Variants in CCDC102B observed in about 807,000 individuals in gnomAD.
CCDC102B encodes the protein coiled-coil domain containing 102B, also known as coiled-coil domain-containing protein 102B.
In CCDC102B, 75 loss-of-function variants were observed where a neutral mutation model predicts 57.4. That is an observed-to-expected ratio of 1.31 (90% CI 1.08 to 1.58). The LOEUF is 1.58. CCDC102B is among the 40% of genes most tolerant of loss of function. The probability of loss-of-function intolerance (pLI) is 0.00; values close to 1 mark genes in which losing one functional copy is unlikely to be tolerated. For missense variants in CCDC102B, 636 were observed against 582.6 expected (o/e 1.09, Z -0.94); for synonymous variants, 206 against 201.9 (o/e 1.02, Z -0.17).
At chr18:68,856,185 G>C (rs12965973) in intron 4 of CCDC102B, among the ~76,000 whole-genome samples, 1 of 151,718 alleles carries the variant, frequency 6.6e-6, no homozygotes, top group Non-Finnish European at 1.5e-5. Context: ...AGTAATTATC[G>C]TACAGCTTTA....
At chr18:69,014,209 G>A (rs2051598715) in intron 7 of CCDC102B, among the ~76,000 whole-genome samples, 1 of 152,132 alleles carries the variant, frequency 6.6e-6, no homozygotes, top group Non-Finnish European at 1.5e-5. Flanking sequence ...TCTAGTCTGG[G>A]CTAAAATAGA....
chr18:68,886,357 CATTAA>C (rs1040341072), intron 5 of CCDC102B, among the ~76,000 whole-genome samples: 3 of 151,518 alleles, frequency 2.0e-5, no homozygotes, highest in African/African-American at 7.3e-5. Flanking sequence ...TATATACAAC[CATTAA>C]ATTTTCAGTA....
chr18:69,031,117 T>C (rs1214785108), intron 7 of CCDC102B, among the ~76,000 whole-genome samples: 1 of 152,230 alleles, frequency 6.6e-6, no homozygotes, highest in Non-Finnish European at 1.5e-5. Flanking sequence ...TGTAAAATAA[T>C]TTCCCCTATG....
intron 2 of CCDC102B, among the ~76,000 whole-genome samples, chr18:68,779,457 G>T (rs1220917800): frequency 1.3e-5 from 2 of 152,064 alleles, no homozygotes; most frequent in Middle Eastern, 3.2e-3. Context: ...AAAGTATGAA[G>T]AAAATAATAA....
upstream of CCDC102B, among the ~76,000 whole-genome samples, chr18:68,794,154 C>T (rs2035554158): frequency 6.6e-6 from 1 of 152,120 alleles, no homozygotes; most frequent in Non-Finnish European, 1.5e-5. Context: ...TCACTGAAAT[C>T]TCTCATGAGG....
At chr18:68,835,012 G>T (rs2144780312) in intron 1 of CCDC102B, among the ~76,000 whole-genome samples, 1 of 152,064 alleles carries the variant, frequency 6.6e-6, no homozygotes, top group African/African-American at 2.4e-5. Flanking sequence ...GCGTATCTGA[G>T]AATAAAAATG....
chr18:68,979,327 A>G (rs1306782014), intron 6 of CCDC102B, among the ~76,000 whole-genome samples: 1 of 152,062 alleles, frequency 6.6e-6, no homozygotes, highest in East Asian at 1.9e-4. Context: ...ATTGACTTAA[A>G]AGTACTCTTT....
intron 5 of CCDC102B, among the ~76,000 whole-genome samples, chr18:68,896,034 C>A (rs894174347): frequency 6.6e-6 from 1 of 151,896 alleles, no homozygotes; most frequent in Non-Finnish European, 1.5e-5. Flanking sequence ...TTCTCACAAA[C>A]CTTGTCAGAT....
intron 6 of CCDC102B, among the ~76,000 whole-genome samples, chr18:68,950,286 G>A (rs2049659359): frequency 6.6e-6 from 1 of 152,092 alleles, no homozygotes; most frequent in Non-Finnish European, 1.5e-5. Flanking sequence ...TGTGTAGACA[G>A]TAGTATATTT....
At chr18:68,924,129 T>TCC (rs34418145) in intron 6 of CCDC102B, among the ~76,000 whole-genome samples, 22 of 149,714 alleles carry the variant, frequency 1.5e-4, no homozygotes, top group African/African-American at 3.2e-4. Flanking sequence ...TTTCCCTTCT[T>TCC]CCCCCCCAAA....
chr18:68,929,810 T>C (rs578093146), intron 6 of CCDC102B, among the ~76,000 whole-genome samples: 1 of 150,906 alleles, frequency 6.6e-6, no homozygotes, highest in African/African-American at 2.4e-5. Context: ...AATTACATAC[T>C]TTAAGTATAT....
At chr18:69,022,223 AAC>A (rs1261563745) in intron 7 of CCDC102B, among the ~76,000 whole-genome samples, 1 of 100,550 alleles carries the variant, frequency 9.9e-6, no homozygotes, top group African/African-American at 4.4e-5. Context: ...ATATATATAT[AAC>A]ACACACACAC....
intron 2 of CCDC102B, among the ~76,000 whole-genome samples, chr18:68,735,218 A>G (rs1199467514): frequency 8.6e-5 from 2 of 23,264 alleles, no homozygotes; most frequent in Admixed American, 7.9e-4. Flanking sequence ...CACCCGGCTA[A>G]TTTTTGTATT....
intron 2 of CCDC102B, among the ~76,000 whole-genome samples, chr18:68,763,793 C>T (rs1488950334): frequency 2.0e-5 from 3 of 148,262 alleles, no homozygotes; most frequent in Non-Finnish European, 4.4e-5. Context: ...AGCAGTAGAA[C>T]CTAGCATTTT....
chr18:68,878,011 G>A (rs557187579), intron 5 of CCDC102B, among the ~76,000 whole-genome samples: 2 of 152,254 alleles, frequency 1.3e-5, no homozygotes, highest in South Asian at 2.1e-4. Context: ...TTTCTATGAG[G>A]TCGAAAGTAA....
At chr18:68,838,673 G>A (rs2037492415) in intron 2 of CCDC102B, 33 bp from the exon 3 acceptor site, 1 of 1,598,818 alleles carries the variant, frequency 6.3e-7, no homozygotes, top group African/African-American at 1.3e-5. Context: ...TCTCCAGGAG[G>A]TTTAAATATG....
intron 2 of CCDC102B, among the ~76,000 whole-genome samples, chr18:68,717,457 A>G (rs2032090900): frequency 6.6e-6 from 1 of 152,110 alleles, no homozygotes; most frequent in Non-Finnish European, 1.5e-5. Context: ...ACCTGTTTTT[A>G]TTTTTCAGTG....
rs1647424082 is a variant in CCDC102B, at chr18:68,918,006, G to C, written c.1263+20578G>C. On this transcript the variant is annotated intron_variant, in intron 6 of 7. Coordinates refer to ENST00000360242, the MANE Select transcript of CCDC102B (RefSeq NM_024781.3). ...TACATATATATGTATATATGATATA[G>C]TTTACTCTCTCTTCACACATGCAAA... 7.3e-5 allele frequency among the ~76,000 whole-genome samples: 10 copies of C among 137,876 alleles called. No homozygotes were observed. In the South Asian group the frequency reaches 2.4e-3, roughly 33 times the overall value. 90.5% of individuals were successfully genotyped at this position (137,876 alleles called of 152,430 possible). A position where few individuals can be genotyped will look rare whatever the true frequency, so the allele number is the denominator to read the frequency against.
At chr18:68,744,982 C>T (rs1478271208) in intron 2 of CCDC102B, among the ~76,000 whole-genome samples, 2 of 152,072 alleles carry the variant, frequency 1.3e-5, no homozygotes, top group South Asian at 4.1e-4. Flanking sequence ...AGCCACAGTC[C>T]TGATGGGACC....
Sources: allele counts gnomAD v4.1 joint callset (sites outside exome capture counted in the v4.1 genomes callset), GRCh38; gene constraint gnomAD v4.1.1; transcripts MANE v1.5; gene names NCBI Gene and HGNC (gene_info 2026-07-23, HGNC 2026-07-21).